Variants in CCPG1 observed in about 807,000 individuals in gnomAD.
The protein encoded by CCPG1 is cell cycle progression 1.
In CCPG1, 46 loss-of-function variants were observed where a neutral mutation model predicts 81.3. The ratio of observed to expected loss-of-function variants is 0.57; its 90% CI spans 0.45 to 0.72. The LOEUF is 0.72. CCPG1 is among the 30% of genes least tolerant of loss of function. The probability of loss-of-function intolerance (pLI) is 0.00; values close to 1 mark genes in which losing one functional copy is unlikely to be tolerated. For synonymous variants in CCPG1, 330 were observed against 305.2 expected, an observed-to-expected ratio of 1.08 and a Z score of -0.85; for missense variants, 902 against 937.6, an observed-to-expected ratio of 0.96 and a Z score of 0.50.
At chr15:55,407,046 C>CCCCA (rs2057245846) in intron 1 of CCPG1, among the ~76,000 whole-genome samples, 1 of 136,270 alleles carries the variant, frequency 7.3e-6, no homozygotes, top group Admixed American at 6.9e-5. Flanking sequence ...GACCCCCCCC[C>CCCCA]CCGCCCCGCC....
rs1005580041 is a variant in CCPG1 at position 55,359,099 on chromosome 15, G to A, written c.2234+440C>T. The A allele has an allele frequency of 3.7e-5, 36 of 983,966 alleles. No homozygotes were observed. The African/African-American group carries it at 6.3e-4, about 17-fold the overall frequency. The allele number at this position is 983,966 out of a possible 1,614,324, so 61.0% of individuals were successfully genotyped here. ...TGGAATGGACAAGTGAAAATAGGTG[G>A]GACATTAGAATTATTATATATGAGC... On this transcript the variant is annotated intron_variant, in intron 8 of 8. Transcript: ENST00000442196.
Position 55,395,547 on chromosome 15 carries a change from T to C in CCPG1, c.-9-6114A>G, listed in dbSNP as rs572608226. On this transcript the variant is annotated intron_variant, in intron 1 of 8. Transcript: ENST00000442196. ...ACCTTCTCAGTTCCCCTCAAAATGC[T>C]TGGCTTTGTCTTTACTCCAGGGCTT... 2.0e-5 allele frequency among the ~76,000 whole-genome samples: 3 copies of C among 152,278 alleles called. No individual in the cohort carries two copies. In the East Asian group the frequency reaches 5.8e-4, roughly 29 times the overall value.
At chr15:55,365,371 A>T (rs2056300699) in intron 6 of CCPG1, 62 bp from the exon 7 acceptor site, 4 of 941,664 alleles carry the variant, frequency 4.2e-6, no homozygotes, top group Admixed American at 2.5e-5. Flanking sequence ...TGTTTTATGT[A>T]TTTTTTAATA....
Position 55,360,778 on chromosome 15 carries a change from C to T in CCPG1, c.995G>A (p.Arg332Lys), listed in dbSNP as rs2141243353. ...ATCTTCCAATATTCTAATCTGTTCT[C>T]TTAGTTTGTTTAACTCTTCCTGTAA... ...SSLQEELNKL[R>K]EQIRILEDKG... The change falls in exon 8 of 9, where the codon AGA becomes AAA. Residue 332 changes from arginine (R) to lysine (K), a missense_variant. Coordinates refer to ENST00000442196, the MANE Select transcript of CCPG1 (RefSeq NM_001204450.2). 6.2e-7 allele frequency: 1 copy of T among 1,612,790 alleles called. No individual in the cohort carries two copies. Among genetic ancestry groups the T allele is most frequent in the African/African-American group, 1.3e-5 (1 of 74,894 alleles).
intron 3 of CCPG1, among the ~76,000 whole-genome samples, chr15:55,380,650 T>C (rs2056669258): frequency 6.6e-6 from 1 of 151,990 alleles, no homozygotes; most frequent in Non-Finnish European, 1.5e-5. Context: ...AAAAAAAATA[T>C]TTTTCAGCAT....
chr15:55,386,409 T>G (rs2141305312), intron 2 of CCPG1, among the ~76,000 whole-genome samples: 1 of 152,328 alleles, frequency 6.6e-6, no homozygotes, highest in Non-Finnish European at 1.5e-5. Flanking sequence ...TACTTTGATG[T>G]CAGACTGTCT....
At chr15:55,393,883 T>TTGA (rs1268866196) in intron 1 of CCPG1, among the ~76,000 whole-genome samples, 1 of 152,204 alleles carries the variant, frequency 6.6e-6, no homozygotes, top group Non-Finnish European at 1.5e-5. Context: ...CTAGAGGGTA[T>TTGA]TGAAACCCCC....
chr15:55,383,618 T>C (rs1316548587), intron 3 of CCPG1, among the ~76,000 whole-genome samples: 1 of 152,248 alleles, frequency 6.6e-6, no homozygotes, highest in East Asian at 1.9e-4. Context: ...CTTCATCCAT[T>C]ATCTCAGTTA....
At chr15:55,373,128 A>C (rs2056489470) in intron 5 of CCPG1, 1 of 436,446 alleles carries the variant, frequency 2.3e-6, no homozygotes, top group African/African-American at 2.1e-5. Flanking sequence ...AAGAAATCCC[A>C]AGTCCAGGAA....
At chr15:55,397,925 C>G (rs1015942953) in intron 1 of CCPG1, among the ~76,000 whole-genome samples, 3 of 151,394 alleles carry the variant, frequency 2.0e-5, no homozygotes, top group Non-Finnish European at 4.4e-5. Flanking sequence ...TGCAGTGAGC[C>G]GAGACTATGC....
At position 55,377,122 on chromosome 15, in the gene CCPG1, C is replaced by T. The variant is rs897077426; in HGVS notation, c.281G>A (p.Ser94Asn). Residue 94 changes from serine to asparagine, a missense_variant, in exon 5 of 9, where the codon AGT becomes AAT. Coordinates refer to ENST00000442196, the MANE Select transcript of CCPG1 (RefSeq NM_001204450.2). ...EAEEQKIPED[S>N]IYIGTASDDS... ...ATCACTGGCAGTTCCAATATAGATA[C>T]TGTCTTCGGGTATCTTTTGTTCCTC... The T allele has an allele frequency of 6.2e-7, 1 of 1,613,424 alleles. No homozygotes were observed. The highest frequency in any genetic ancestry group is 8.5e-7 in the Non-Finnish European group (1 of 1,179,438).
At chr15:55,400,355 A>G (rs562813115) in intron 1 of CCPG1, among the ~76,000 whole-genome samples, 1 of 151,960 alleles carries the variant, frequency 6.6e-6, no homozygotes, top group South Asian at 2.1e-4. Context: ...CTAAAATAGA[A>G]AAATTAGCCA....
chr15:55,372,085 G>A (rs1362477632), intron 5 of CCPG1, 41 bp from the exon 6 acceptor site: 4 of 1,576,494 alleles, frequency 2.5e-6, no homozygotes, highest in African/African-American at 1.4e-5. Context: ...TCAAAATCTT[G>A]GAAAAGCTTT....
chr15:55,364,739 G>A (rs932562526), intron 7 of CCPG1, among the ~76,000 whole-genome samples: 1 of 150,498 alleles, frequency 6.6e-6, no homozygotes, highest in South Asian at 2.2e-4. Flanking sequence ...CGGGCATAGA[G>A]GTGCACACCT....
chr15:55,407,281 G>A (rs979520524), intron 1 of CCPG1, among the ~76,000 whole-genome samples: 2 of 151,556 alleles, frequency 1.3e-5, no homozygotes, highest in African/African-American at 4.8e-5. Context: ...TCCATCTTCT[G>A]CTATATGACC....
chr15:55,376,922 T>C, intron 5 of CCPG1, 27 bp downstream of exon 5: 6 of 1,544,640 alleles, frequency 3.9e-6, no homozygotes, highest in Non-Finnish European at 5.3e-6. Flanking sequence ...GTACATGTCT[T>C]TAAGTCTCTT....
intron 1 of CCPG1, among the ~76,000 whole-genome samples, chr15:55,396,273 A>G (rs557597770): frequency 6.6e-6 from 1 of 152,306 alleles, no homozygotes; most frequent in Non-Finnish European, 1.5e-5. Flanking sequence ...TACTAATAGT[A>G]ATTTAGAAAT....
In CCPG1 at chr15:55,399,863, G is replaced by C. The variant is rs2057093627; in HGVS notation, c.-10+8358C>G. The C allele has an allele frequency of 1.3e-5, 2 of 152,088 alleles. 1 individual carries two copies. The highest frequency in any genetic ancestry group is 1.3e-4 in the Admixed American group (2 of 15,258). 9.4% of individuals were successfully genotyped at this position (152,088 alleles called of 1,614,324 possible). On this transcript the variant is annotated intron_variant, in intron 1 of 8. Coordinates refer to ENST00000442196, the MANE Select transcript of CCPG1 (RefSeq NM_001204450.2). ...AATTCCAATACTTTGGGAGGCCAAGGCAGGCAAATCGCTTGAACTCACGAG... is the reference window on the plus strand; with the variant it reads ...AATTCCAATACTTTGGGAGGCCAAGCCAGGCAAATCGCTTGAACTCACGAG...
intron 6 of CCPG1, 100 bp from the exon 7 acceptor site, chr15:55,365,409 TC>T: frequency 1.7e-5 from 12 of 711,480 alleles, no homozygotes; most frequent in South Asian, 5.4e-5. Flanking sequence ...AGCTATGTAG[TC>T]TTTTTTTTGT....
Sources: allele counts gnomAD v4.1 joint callset (sites outside exome capture counted in the v4.1 genomes callset), GRCh38; gene constraint gnomAD v4.1.1; transcripts MANE v1.5; gene names NCBI Gene and HGNC (gene_info 2026-07-23, HGNC 2026-07-21).